MRPS6: variants seen among roughly 807,000 people sequenced by gnomAD.
The protein encoded by MRPS6 is mitochondrial ribosomal protein S6.
A neutral mutation model predicts 13.1 loss-of-function variants in MRPS6; 6 were observed. The observed-to-expected ratio is 0.46, with a 90% CI of 0.25 to 0.91. The LOEUF (loss-of-function observed/expected upper bound fraction) is 0.91, where lower values mean the gene tolerates loss of function less well. Among genes scored for constraint, MRPS6 ranks in the 40% least tolerant of loss-of-function variants. The probability of loss-of-function intolerance (pLI) is 0.18; values close to 1 mark genes in which losing one functional copy is unlikely to be tolerated. For synonymous variants in MRPS6, 61 were observed against 56.5 expected, an observed-to-expected ratio of 1.08 and a Z score of -0.36; for missense variants, 164 against 155.6, an observed-to-expected ratio of 1.05 and a Z score of -0.29.
At chr21:34,104,359 T>G (rs1979382415) in intron 1 of MRPS6, 1 of 999,820 alleles carries the variant, frequency 1.0e-6, no homozygotes, top group Non-Finnish European at 1.2e-6. Flanking sequence ...AGCATTGCCC[T>G]TTTCCACCTC....
chr21:34,131,487 C>A (rs543380516), intron 2 of MRPS6, among the ~76,000 whole-genome samples: 1 of 152,300 alleles, frequency 6.6e-6, no homozygotes, highest in East Asian at 1.9e-4. Flanking sequence ...ATGGTTTCTC[C>A]ATGGCAACCT....
At chr21:34,099,070 T>G (rs561608750) in intron 1 of MRPS6, 2 of 999,228 alleles carry the variant, frequency 2.0e-6, no homozygotes, top group South Asian at 9.5e-5. Context: ...TTTTAGAAAT[T>G]GTCAGGTAGC....
In MRPS6 at chr21:34,096,866, G is replaced by A. The variant is rs772571405; in HGVS notation, c.45+23121G>A. The A allele has an allele frequency of 1.1e-5, 17 of 1,614,102 alleles. No homozygotes were observed. The highest frequency in any genetic ancestry group is 1.4e-5 in the Non-Finnish European group (16 of 1,179,982). On this transcript the variant is annotated intron_variant, in intron 1 of 2. Transcript: ENST00000399312. The surrounding 1 kb of genome is among the most constrained non-coding windows in gnomAD (Gnocchi z 5.9). Reference sequence around the variant, plus strand: ...CTAAGAAGAACCTGGTGGTGAAGGAGAACTGCTCCCCAAAAGAGGAACCAT... The same window carrying A: ...CTAAGAAGAACCTGGTGGTGAAGGAAAACTGCTCCCCAAAAGAGGAACCAT...
At chr21:34,103,702 A>G (rs1979350785) in intron 1 of MRPS6, 1 of 1,000,040 alleles carries the variant, frequency 1.0e-6, no homozygotes, top group Non-Finnish European at 1.2e-6. Flanking sequence ...TGAGCACTAC[A>G]GTATTGATAA....
Position 34,104,731 on chromosome 21 carries a change from A to G in MRPS6, c.46-20610A>G, listed in dbSNP as rs369369737. ...GGAAGAAGATTACCAGAAGTGCAGG[A>G]AAGAGAAGTTTGAGGAACACCCTTG... is the stretch of plus-strand genomic sequence containing the variant. On this transcript the variant is annotated intron_variant, in intron 1 of 2. Transcript: ENST00000399312. The G allele has an allele frequency of 2.4e-4, 244 of 1,000,340 alleles. 1 individual carries two copies. In the African/African-American group the frequency reaches 3.8e-3, roughly 16 times the overall value. The allele number at this position is 1,000,340 out of a possible 1,614,324, so 62.0% of individuals were successfully genotyped here.
At chr21:34,117,034 C>A (rs1481514564) in intron 1 of MRPS6, among the ~76,000 whole-genome samples, 2 of 152,150 alleles carry the variant, frequency 1.3e-5, no homozygotes, top group Non-Finnish European at 2.9e-5. Flanking sequence ...CTGACTGATT[C>A]CCCACACTAG....
intron 1 of MRPS6, among the ~76,000 whole-genome samples, chr21:34,086,042 C>T (rs1011358844): frequency 2.0e-5 from 3 of 152,170 alleles, no homozygotes; most frequent in Non-Finnish European, 4.4e-5. Context: ...AAACAAGGTC[C>T]ACAAATTATG....
intron 1 of MRPS6, among the ~76,000 whole-genome samples, chr21:34,094,434 C>T (rs1328255668): frequency 6.6e-6 from 1 of 152,214 alleles, no homozygotes; most frequent in African/African-American, 2.4e-5. Flanking sequence ...AAAGTTACCC[C>T]CAAACTCTCT....
intron 1 of MRPS6, among the ~76,000 whole-genome samples, chr21:34,116,178 TTGTGTGTGTGTGTGTGTGTGTG>T (rs57694757): frequency 5.0e-5 from 7 of 141,384 alleles, no homozygotes; most frequent in Admixed American, 1.4e-4. Context: ...CCAGCTAATT[TTGTGTGTGTGTGTGTGTGTGTG>T]TGTGTGTGTG....
At chr21:34,099,192 AT>A in intron 1 of MRPS6, 3 of 999,806 alleles carry the variant, frequency 3.0e-6, no homozygotes, top group Non-Finnish European at 3.6e-6. Flanking sequence ...GCCTTGTAGA[AT>A]TTTTTTCTCA....
At chr21:34,105,869 G>A (rs1284470690) in intron 1 of MRPS6, 3 of 992,080 alleles carry the variant, frequency 3.0e-6, no homozygotes, top group Admixed American at 1.2e-4. Flanking sequence ...AGTTGAAATT[G>A]TAGATTTAAG....
At chr21:34,082,612 A>G (rs923885100) in intron 1 of MRPS6, among the ~76,000 whole-genome samples, 1 of 152,214 alleles carries the variant, frequency 6.6e-6, no homozygotes, top group Non-Finnish European at 1.5e-5. Flanking sequence ...ACCATGAAAA[A>G]AATTCAGGTG....
At chr21:34,073,857 C>A (rs1305871928) in intron 1 of MRPS6, 112 bp downstream of exon 1, 2 of 539,820 alleles carry the variant, frequency 3.7e-6, no homozygotes, top group Non-Finnish European at 5.0e-6. Context: ...CTGCACTCCT[C>A]GGAGGAGGCC....
intron 1 of MRPS6, among the ~76,000 whole-genome samples, chr21:34,086,085 A>G (rs1188004259): frequency 6.6e-6 from 1 of 152,160 alleles, no homozygotes; most frequent in Non-Finnish European, 1.5e-5. Context: ...CTTACTCTGT[A>G]ATAGCTTCTT....
intron 1 of MRPS6, among the ~76,000 whole-genome samples, chr21:34,084,930 T>A (rs1245754717): frequency 3.9e-5 from 6 of 152,246 alleles, no homozygotes; most frequent in Non-Finnish European, 7.3e-5. Flanking sequence ...TATCTTTTTT[T>A]AATCTGCGTT....
chr21:34,079,411 G>A (rs1320630147), intron 1 of MRPS6, among the ~76,000 whole-genome samples: 1 of 151,768 alleles, frequency 6.6e-6, no homozygotes, highest in African/African-American at 2.4e-5. Flanking sequence ...GTTTTCTGAT[G>A]TTACTCCCTT....
intron 1 of MRPS6, chr21:34,104,968 G>A: frequency 3.0e-6 from 3 of 999,532 alleles, no homozygotes; most frequent in Non-Finnish European, 1.2e-6. Flanking sequence ...TCCTAGCAGT[G>A]TAAATATGTA....
intron 1 of MRPS6, among the ~76,000 whole-genome samples, chr21:34,090,894 A>G (rs769722400): frequency 4.6e-5 from 7 of 152,182 alleles, no homozygotes; most frequent in Non-Finnish European, 7.3e-5. Context: ...ACCTACATAG[A>G]TGTGGTACCT....
chr21:34,075,841 G>A (rs1463762170), intron 1 of MRPS6, among the ~76,000 whole-genome samples: 1 of 151,110 alleles, frequency 6.6e-6, no homozygotes, highest in African/African-American at 2.5e-5. Context: ...TAGGATGAAT[G>A]TTTGGGGGGA....
Sources: gnomAD v4.1 joint callset for allele counts (sites outside exome capture counted in the v4.1 genomes callset) on GRCh38, gnomAD v4.1.1 for gene constraint, Gnocchi (gnomAD v3.1) non-coding constraint, MANE v1.5 for transcripts, NCBI Gene and HGNC (gene_info 2026-07-23, HGNC 2026-07-21) for gene names.